Variants in DIPK1A observed in about 807,000 individuals in gnomAD.
DIPK1A encodes the protein divergent protein kinase domain 1A, also known as family with sequence similarity 69 member A.
In DIPK1A, 27 loss-of-function variants were observed where a neutral mutation model predicts 40.8. That is an observed-to-expected ratio of 0.66 (90% CI 0.49 to 0.91). The LOEUF (loss-of-function observed/expected upper bound fraction) is 0.91, where lower values mean the gene tolerates loss of function less well. DIPK1A is among the 40% of genes least tolerant of loss of function. The pLI is 0.00. For synonymous variants in DIPK1A, 166 were observed against 171.3 expected (o/e 0.97, Z 0.24); for missense variants, 412 against 505.7 (o/e 0.81, Z 1.78).
chr1:92,882,601 T>C (rs1648428744), intron 1 of DIPK1A, among the ~76,000 whole-genome samples: 1 of 152,234 alleles, frequency 6.6e-6, no homozygotes, highest in Admixed American at 6.5e-5. Context: ...CTTGCATCCT[T>C]CTCTTAGCAT....
At chr1:92,890,461 A>C (rs1014653666) in intron 1 of DIPK1A, among the ~76,000 whole-genome samples, 1 of 152,184 alleles carries the variant, frequency 6.6e-6, no homozygotes, top group African/African-American at 2.4e-5. Context: ...TTTGTCATAG[A>C]TGGCCTTTAT....
chr1:92,960,744 T>C (rs1363384683), intron 1 of DIPK1A, among the ~76,000 whole-genome samples: 1 of 152,234 alleles, frequency 6.6e-6, no homozygotes, highest in African/African-American at 2.4e-5. Context: ...CCCATCCGCC[T>C]GGTTCAGGCT....
At position 92,851,542 on chromosome 1, in the gene DIPK1A, C is replaced by CAAAAAAAAAAAA. The variant is rs59664439; in HGVS notation, c.190-599_190-588dup. Reference sequence around the variant, plus strand: ...TGGGTGAGAGAGTGAGACCCTATCTCAAAAAAAAAAAAAAAAAAAACTTCT... The same window carrying CAAAAAAAAAAAA: ...TGGGTGAGAGAGTGAGACCCTATCTCAAAAAAAAAAAAAAAAAAAAAAAAAAAAAAAACTTCT... On this transcript the variant is annotated intron_variant, in intron 2 of 4. Transcript: ENST00000370310. 1.4e-4 allele frequency among the ~76,000 whole-genome samples: 5 copies of CAAAAAAAAAAAA among 34,770 alleles called. 2 individuals are homozygous for CAAAAAAAAAAAA. Among genetic ancestry groups the CAAAAAAAAAAAA allele is most frequent in the South Asian group, 5.6e-3 (2 of 356 alleles). The allele number at this position is 34,770 out of a possible 152,430, so 22.8% of individuals were successfully genotyped here. A position where few individuals can be genotyped will look rare whatever the true frequency, so the allele number is the denominator to read the frequency against.
In DIPK1A at chr1:92,893,766, T is replaced by G. The variant is rs528370035; in HGVS notation, c.55-17336A>C. Among the ~76,000 whole-genome samples, 1,284 of 152,026 alleles carry G rather than the reference T, an allele frequency of 8.4e-3. 14 individuals carry two copies. Among genetic ancestry groups the G allele is most frequent in the African/African-American group, 0.024 (984 of 41,338 alleles). On this transcript the variant is annotated intron_variant, in intron 1 of 4. Coordinates refer to ENST00000370310, the MANE Select transcript of DIPK1A (RefSeq NM_001006605.5). ...CTGTATTCAGGAAACCCATCTCACG[T>G]GCAGAGACACACATAGGCTCAAAAT...
chr1:92,846,871 A>ACACACACACG lies in DIPK1A; in HGVS notation c.474+311_474+312insCGTGTGTGTG, dbSNP rs1391671477. Among the ~76,000 whole-genome samples the ACACACACACG allele has an allele frequency of 2.4e-4, 4 of 16,738 alleles. 2 individuals carry two copies. The highest frequency in any genetic ancestry group is 7.0e-4 in the African/African-American group (2 of 2,874). The allele number at this position is 16,738 out of a possible 152,430, so 11.0% of individuals were successfully genotyped here. On this transcript the variant is annotated intron_variant, in intron 4 of 4. Transcript: ENST00000370310. ...TGTATATATATATGTGTGTATATAT[A>ACACACACACG]TATATATATATACACACACACGTAT... is the stretch of plus-strand genomic sequence containing the variant.
At chr1:92,840,634 G>T (rs200715037), downstream of DIPK1A, 8 of 1,606,996 alleles carry the variant, frequency 5.0e-6, no homozygotes, top group Non-Finnish European at 6.8e-6. Context: ...AAGTTAAAAA[G>T]AAGAGGTATG....
At chr1:92,854,689 G>A (rs1334189294) in intron 2 of DIPK1A, among the ~76,000 whole-genome samples, 1 of 152,224 alleles carries the variant, frequency 6.6e-6, no homozygotes, top group Non-Finnish European at 1.5e-5. Flanking sequence ...TTCATCTTCA[G>A]GAGAGGAGCA....
chr1:92,846,848 T>C (rs867792524), intron 4 of DIPK1A, among the ~76,000 whole-genome samples: 170 of 2,486 alleles, frequency 0.068, 65 homozygotes, highest in African/African-American at 0.092. Flanking sequence ...TATATGTGTG[T>C]ATATATATAT....
intron 4 of DIPK1A, among the ~76,000 whole-genome samples, chr1:92,835,713 A>C (rs1009305283): frequency 4.0e-5 from 6 of 150,858 alleles, no homozygotes; most frequent in Admixed American, 4.0e-4. Context: ...GTGGCCATTG[A>C]CGGGAAGATT....
intron 1 of DIPK1A, among the ~76,000 whole-genome samples, chr1:92,955,899 G>A (rs1651834552): frequency 6.6e-6 from 1 of 151,768 alleles, no homozygotes; most frequent in South Asian, 2.1e-4. Context: ...TAAATTAGCT[G>A]GACTTGGTGG....
chr1:92,926,838 C>T (rs1650534142), intron 1 of DIPK1A, among the ~76,000 whole-genome samples: 1 of 152,186 alleles, frequency 6.6e-6, no homozygotes, highest in South Asian at 2.1e-4. Context: ...TATTTGTTTG[C>T]ACAGTATATC....
intron 2 of DIPK1A, among the ~76,000 whole-genome samples, chr1:92,858,871 G>T (rs1182983997): frequency 6.6e-6 from 1 of 152,204 alleles, no homozygotes; most frequent in African/African-American, 2.4e-5. Flanking sequence ...ATTACTGTCA[G>T]TAAAACGATA....
At position 92,892,785 on chromosome 1, in the gene DIPK1A, C is replaced by T. The variant is rs565291116; in HGVS notation, c.55-16355G>A. On this transcript the variant is annotated intron_variant, in intron 1 of 4. Coordinates refer to ENST00000370310, the MANE Select transcript of DIPK1A (RefSeq NM_001006605.5). ...TTAGATGAATGGCTAACTAGAATAA[C>T]CAATGCAGAGAAGTCCTTAAAGGAC... Among the ~76,000 whole-genome samples, 184 of 146,766 alleles carry T rather than the reference C, an allele frequency of 1.3e-3. 2 individuals carry two copies. The highest frequency in any genetic ancestry group is 4.4e-3 in the African/African-American group (172 of 39,140).
chr1:92,854,985 C>T (rs1216105489), intron 2 of DIPK1A, among the ~76,000 whole-genome samples: 1 of 151,138 alleles, frequency 6.6e-6, no homozygotes, highest in Non-Finnish European at 1.5e-5. Context: ...ATTCTCTGAC[C>T]ACATATAAAT....
chr1:92,955,856 T>C (rs1651832587), intron 1 of DIPK1A, among the ~76,000 whole-genome samples: 1 of 151,832 alleles, frequency 6.6e-6, no homozygotes, highest in African/African-American at 2.4e-5. Context: ...GCCTGGGCAA[T>C]GCAGTGGGAC....
At chr1:92,882,935 T>G (rs1648442956) in intron 1 of DIPK1A, among the ~76,000 whole-genome samples, 1 of 152,184 alleles carries the variant, frequency 6.6e-6, no homozygotes, top group Non-Finnish European at 1.5e-5. Context: ...GATATTAGGC[T>G]TAGAATGTTA....
At chr1:92,889,246 T>C (rs1031346640) in intron 1 of DIPK1A, among the ~76,000 whole-genome samples, 4 of 152,228 alleles carry the variant, frequency 2.6e-5, no homozygotes, top group Non-Finnish European at 5.9e-5. Context: ...TTTCCAACAC[T>C]ACTTACTGAA....
chr1:92,849,347 T>C (rs1687733497), intron 3 of DIPK1A, among the ~76,000 whole-genome samples: 1 of 151,724 alleles, frequency 6.6e-6, no homozygotes, highest in East Asian at 1.9e-4. Context: ...GGTTTTTTTT[T>C]GTTTTTTTTT....
At chr1:92,949,312 TTGCCCAGGCTGGAGTGCAA>T (rs1651535463) in intron 1 of DIPK1A, among the ~76,000 whole-genome samples, 1 of 152,050 alleles carries the variant, frequency 6.6e-6, no homozygotes, top group South Asian at 2.1e-4. Context: ...TTCGCTCTTG[TTGCCCAGGCTGGAGTGCAA>T]TGGCGCAATC....
Sources: gnomAD v4.1 joint callset for allele counts (sites outside exome capture counted in the v4.1 genomes callset) on GRCh38, gnomAD v4.1.1 for gene constraint, MANE v1.5 for transcripts, NCBI Gene and HGNC (gene_info 2026-07-23, HGNC 2026-07-21) for gene names.